Variants in ADGRV1 observed in about 807,000 individuals in gnomAD.
ADGRV1 encodes the protein G-protein coupled receptor 98.
In ADGRV1, 359 loss-of-function variants were observed where a neutral mutation model predicts 596.2. That is an observed-to-expected ratio of 0.60 (90% CI 0.55 to 0.66). The LOEUF is 0.66. Among genes scored for constraint, ADGRV1 ranks in the 30% least tolerant of loss-of-function variants. The pLI, the probability that ADGRV1 is intolerant of heterozygous loss-of-function variation, is 0.00. For synonymous variants in ADGRV1, 2,681 were observed against 2,679.2 expected, an observed-to-expected ratio of 1.00 and a Z score of -0.02; for missense variants, 7,274 against 7,575.6, an observed-to-expected ratio of 0.96 and a Z score of 1.48.
Position 90,669,877 on chromosome 5 carries a change from G to A in ADGRV1, c.4753-2669G>A, listed in dbSNP as rs1289144340. On this transcript the variant is annotated intron_variant, in intron 21 of 89. Coordinates refer to ENST00000405460, the MANE Select transcript of ADGRV1 (RefSeq NM_032119.4). ...TCCCCAATATATTATCAATTGCATT[G>A]GAACAATTTCATGATTTCAAAATAA... Among the ~76,000 whole-genome samples the A allele has an allele frequency of 2.6e-5, 4 of 152,212 alleles. No homozygotes were observed. In the East Asian group the frequency reaches 7.7e-4, roughly 29 times the overall value.
rs1581855758 is a variant in ADGRV1 at position 91,035,857 on chromosome 5, T to TTA, written c.18153-36590_18153-36589insTA. Among the ~76,000 whole-genome samples the TTA allele has an allele frequency of 5.7e-5, 4 of 69,834 alleles. No individual in the cohort carries two copies. In the East Asian group the frequency reaches 1.2e-3, roughly 20 times the overall value. 45.8% of individuals were successfully genotyped at this position (69,834 alleles called of 152,430 possible). On this transcript the variant is annotated intron_variant, in intron 85 of 89. Transcript: ENST00000405460. ...ATAAATGAGTGTGTATATATATATA[T>TTA]ATATTATATATATATATATATATAT...
intron 1 of ADGRV1, among the ~76,000 whole-genome samples, chr5:90,563,025 C>T (rs1234342081): frequency 6.6e-6 from 1 of 152,180 alleles, no homozygotes; most frequent in Non-Finnish European, 1.5e-5. Context: ...TGGCTTTAAT[C>T]CAACCATCTG....
At position 90,614,742 on chromosome 5, in the gene ADGRV1, T is replaced by C. The variant is rs753683852; in HGVS notation, c.23-93T>C. 4.4e-5 allele frequency: 42 copies of C among 946,432 alleles called. No individual in the cohort carries two copies. The Admixed American group carries it at 8.0e-4, about 18-fold the overall frequency. 58.6% of individuals were successfully genotyped at this position (946,432 alleles called of 1,614,324 possible). On this transcript the variant is annotated intron_variant, in intron 1 of 89. Coordinates refer to ENST00000405460, the MANE Select transcript of ADGRV1 (RefSeq NM_032119.4). ...ATGTCTTAGTTGTTTGCTGTCTAAC[T>C]CTTCATACTATGTTTATATCTATAG...
In ADGRV1 at chr5:90,788,380, G is replaced by T. The variant is rs41304888; in HGVS notation, c.13893+70G>T. On this transcript the variant is annotated intron_variant, in intron 68 of 89. Coordinates refer to ENST00000405460, the MANE Select transcript of ADGRV1 (RefSeq NM_032119.4). ...TTTATCAGAAAATACATTTACATTT[G>T]TTGAAACTCTATAAGCTTGTGATAA... 7.9e-4 allele frequency: 1,079 copies of T among 1,366,822 alleles called. 9 individuals carry two copies. In the African/African-American group the frequency reaches 0.014, roughly 18 times the overall value. The allele number at this position is 1,366,822 out of a possible 1,614,324, so 84.7% of individuals were successfully genotyped here.
chr5:90,755,386 T>C (rs1324673185), intron 55 of ADGRV1, among the ~76,000 whole-genome samples: 1 of 152,204 alleles, frequency 6.6e-6, no homozygotes, highest in East Asian at 1.9e-4. Context: ...AAATGATGTC[T>C]ATTACTTGTA....
chr5:90,774,128 A>G (rs1757969923), intron 59 of ADGRV1, 58 bp from the exon 60 acceptor site: 1 of 885,596 alleles, frequency 1.1e-6, no homozygotes, highest in Non-Finnish European at 1.8e-6. Flanking sequence ...TAATGACAAC[A>G]TTCAAACTTT....
intron 83 of ADGRV1, among the ~76,000 whole-genome samples, chr5:90,942,215 G>A (rs550703409): frequency 2.6e-5 from 4 of 152,304 alleles, no homozygotes; most frequent in African/African-American, 9.6e-5. Context: ...AGTTTATGAT[G>A]ATCCCATAAT....
chr5:90,698,083 C>T (rs932106195), intron 34 of ADGRV1, among the ~76,000 whole-genome samples: 4 of 152,216 alleles, frequency 2.6e-5, no homozygotes, highest in African/African-American at 7.2e-5. Context: ...TGCAAATATT[C>T]GAGCCATTTT....
At chr5:91,148,597 C>A (rs1795753741) in intron 87 of ADGRV1, among the ~76,000 whole-genome samples, 1 of 152,142 alleles carries the variant, frequency 6.6e-6, no homozygotes, top group African/African-American at 2.4e-5. Flanking sequence ...AGGGGTGGAG[C>A]CCTCATAAAG....
At chr5:90,651,116 G>T (rs1287122889) in intron 17 of ADGRV1, among the ~76,000 whole-genome samples, 2 of 152,192 alleles carry the variant, frequency 1.3e-5, no homozygotes, top group Admixed American at 1.3e-4. Flanking sequence ...CCTGAAGGCA[G>T]AGATGTAAAG....
At chr5:91,096,446 G>A (rs763051461) in intron 86 of ADGRV1, among the ~76,000 whole-genome samples, 1 of 152,196 alleles carries the variant, frequency 6.6e-6, no homozygotes, top group Non-Finnish European at 1.5e-5. Flanking sequence ...CTTAATGATA[G>A]TAGCACTAAT....
At chr5:90,851,132 TGTGAGA>T (rs1766459603) in intron 79 of ADGRV1, among the ~76,000 whole-genome samples, 1 of 71,898 alleles carries the variant, frequency 1.4e-5, no homozygotes, top group African/African-American at 3.9e-5. Context: ...TGTGTGTGTG[TGTGAGA>T]GAGAGAGAGA....
Position 90,695,878 on chromosome 5 carries a change from G to A in ADGRV1, c.7946-1059G>A, listed in dbSNP as rs16868995. Among the ~76,000 whole-genome samples the A allele has an allele frequency of 7.0e-3, 1,062 of 152,102 alleles. 34 individuals carry two copies. Among genetic ancestry groups the A allele is most frequent in the Admixed American group, 0.057 (865 of 15,248 alleles). On this transcript the variant is annotated intron_variant, in intron 33 of 89. Coordinates refer to ENST00000405460, the MANE Select transcript of ADGRV1 (RefSeq NM_032119.4). The stretch of plus-strand genomic sequence containing the variant: ...ATGAAAATGTGACGAGGAGGGAGTG[G>A]AAATGAAAATATAAAGTTGGATTTT...
At chr5:90,868,186 G>A (rs1477091520) in intron 83 of ADGRV1, among the ~76,000 whole-genome samples, 1 of 151,364 alleles carries the variant, frequency 6.6e-6, no homozygotes, top group Non-Finnish European at 1.5e-5. Context: ...ATCTCTGGTT[G>A]TTGTTGTTGT....
chr5:90,688,225 C>A (rs1745955629), intron 29 of ADGRV1, among the ~76,000 whole-genome samples: 1 of 152,032 alleles, frequency 6.6e-6, no homozygotes, highest in Admixed American at 6.5e-5. Context: ...AGAACAGAGC[C>A]CTCAGAAATA....
In ADGRV1 at chr5:90,690,018, G is replaced by A; in HGVS notation, c.6648G>A (p.Gly2216=). ...MNETTGGARL[G]ALTEAVIIIE... ...AAACAACAGGAGGAGCCAGACTAGG[G>A]GCTTTAACAGAGGCAGTCATTATTA... The change falls in exon 30 of 90, where the codon GGG becomes GGA. Residue 2216 remains glycine, a synonymous_variant. Coordinates refer to ENST00000405460, the MANE Select transcript of ADGRV1 (RefSeq NM_032119.4). The A allele has an allele frequency of 6.3e-7, 1 of 1,599,430 alleles. No homozygotes were observed. The highest frequency in any genetic ancestry group is 8.5e-7 in the Non-Finnish European group (1 of 1,172,230).
chr5:90,805,254 T>C (rs747887191), intron 71 of ADGRV1, 30 bp from the exon 72 acceptor site: 3 of 1,590,262 alleles, frequency 1.9e-6, no homozygotes, highest in Non-Finnish European at 2.6e-6. Flanking sequence ...TAGAGAGAAA[T>C]AAAATACTCT....
intron 83 of ADGRV1, among the ~76,000 whole-genome samples, chr5:90,871,372 C>T (rs1768658564): frequency 6.6e-6 from 1 of 152,000 alleles, no homozygotes; most frequent in African/African-American, 2.4e-5. Context: ...AATCGAATTC[C>T]TTTTCCTCAA....
chr5:90,564,659 C>T (rs1384481579), intron 1 of ADGRV1, among the ~76,000 whole-genome samples: 4 of 23,640 alleles, frequency 1.7e-4, no homozygotes, highest in Non-Finnish European at 2.3e-4. Context: ...CGGAGTCTCG[C>T]TCTGTCGCCC....
Sources: allele counts gnomAD v4.1 joint callset (sites outside exome capture counted in the v4.1 genomes callset), GRCh38; gene constraint gnomAD v4.1.1; transcripts MANE v1.5; gene names NCBI Gene and HGNC (gene_info 2026-07-23, HGNC 2026-07-21).